Variants in ZNF337 observed in about 807,000 individuals in gnomAD.
The protein encoded by ZNF337 is zinc finger protein 337.
ZNF337 carries 8 observed loss-of-function variants against 12.1 expected under a neutral mutation model. The ratio of observed to expected loss-of-function variants is 0.66; its 90% CI spans 0.39 to 1.19. ZNF337 has a LOEUF of 1.19. Among genes scored for constraint, ZNF337 ranks in the 50% most tolerant of loss-of-function variants. The probability of loss-of-function intolerance (pLI) is 0.01; values close to 1 mark genes in which losing one functional copy is unlikely to be tolerated. For missense variants in ZNF337, 882 were observed against 896.6 expected (o/e 0.98, Z 0.21); for synonymous variants, 336 against 320.0 (o/e 1.05, Z -0.53).
At chr20:25,684,879 A>G (rs2065809416) in intron 4 of ZNF337, among the ~76,000 whole-genome samples, 1 of 152,110 alleles carries the variant, frequency 6.6e-6, no homozygotes, top group Non-Finnish European at 1.5e-5. Flanking sequence ...ACAAGAAGAG[A>G]AAAATCAAAC....
Position 25,675,200 on chromosome 20 carries a change from A to G in ZNF337, c.2088T>C (p.Ser696=). The change falls in exon 5 of 5, where the codon AGT becomes AGC. Residue 696 remains serine, a synonymous_variant. Coordinates refer to ENST00000252979, the MANE Select transcript of ZNF337 (RefSeq NM_015655.4). ...TTTCATGCACAGTGAGGTCTGACTT[A>G]CTGGTATAGCCTCGCTTACACTCCT... ...VCQECKRGYT[S]KSDLTVHERI... 1.9e-6 allele frequency: 3 copies of G among 1,614,242 alleles called. No homozygotes were observed. The highest frequency in any genetic ancestry group is 2.5e-6 in the Non-Finnish European group (3 of 1,180,040).
rs2065666722 is a variant in ZNF337, at chr20:25,675,332, C to T, written c.1956G>A (p.Gly652=). ...ACACATTACACACGAAGGGCTTCTC[C>T]CCTGAGTGTGTCCTCTGGTGTGTGA... is the stretch of plus-strand genomic sequence containing the variant. The part of the protein sequence containing the change: ...NLLTHQRTHS[G]EKPFVCNVCG... Residue 652 remains glycine (G), a synonymous_variant, in exon 5 of 5, where the codon GGG becomes GGA. Transcript: ENST00000252979. 13 of 1,613,050 alleles carry T rather than the reference C, an allele frequency of 8.1e-6. No homozygotes were observed. Among genetic ancestry groups the T allele is most frequent in the South Asian group, 1.1e-5 (1 of 91,010 alleles).
intron 1 of ZNF337, 73 bp from the exon 2 acceptor site, chr20:25,686,539 C>A: frequency 8.6e-7 from 1 of 1,164,168 alleles, no homozygotes; most frequent in Non-Finnish European, 1.2e-6. Flanking sequence ...GGTGTGATTC[C>A]AATACCAACT....
Position 25,675,468 on chromosome 20 carries a change from T to C in ZNF337, c.1820A>G (p.Gln607Arg), listed in dbSNP as rs962349330. ...AAGATTTGACTTCCAGATAAATCCT[T>C]GCCCACATTCACTACAGATGAAAGG... is the stretch of plus-strand genomic sequence containing the variant. ...EKPFICSECG[Q>R]GFIWKSNLVK... The change falls in exon 5 of 5, where the codon CAA becomes CGA. Residue 607 changes from glutamine to arginine, a missense_variant. Gln to Arg is a conservative substitution (Grantham distance 43, BLOSUM62 1). Coordinates refer to ENST00000252979, the MANE Select transcript of ZNF337 (RefSeq NM_015655.4). 1.2e-6 allele frequency: 2 copies of C among 1,614,110 alleles called. No individual in the cohort carries two copies. The highest frequency in any genetic ancestry group is 1.7e-6 in the Non-Finnish European group (2 of 1,180,022).
At position 25,674,755 on chromosome 20, in the gene ZNF337, C is replaced by T. The variant is rs887941066; in HGVS notation, c.*277G>A. The T allele has an allele frequency of 8.7e-6, 4 of 461,406 alleles. No individual in the cohort carries two copies. In the Admixed American group the frequency reaches 1.5e-4, roughly 17 times the overall value. 28.6% of individuals were successfully genotyped at this position (461,406 alleles called of 1,614,324 possible). A position where few individuals can be genotyped will look rare whatever the true frequency, so the allele number is the denominator to read the frequency against. ...TAGAAAGCACAGCCTGGCACAAATA[C>T]AACAAGAATATGTGCTCAGTAGGAA... On this transcript the variant is annotated 3_prime_UTR_variant, in exon 5 of 5. Transcript: ENST00000252979.
intron 1 of ZNF337, among the ~76,000 whole-genome samples, chr20:25,693,233 T>C (rs1237031119): frequency 6.6e-6 from 1 of 152,182 alleles, no homozygotes; most frequent in Non-Finnish European, 1.5e-5. Flanking sequence ...TGAGCCACCA[T>C]GCCTGGCTAA....
chr20:25,689,251 C>T (rs965545640), intron 1 of ZNF337, among the ~76,000 whole-genome samples: 4 of 151,882 alleles, frequency 2.6e-5, no homozygotes, highest in South Asian at 2.1e-4. Context: ...TTGCAGTGAG[C>T]GGAGACCGTG....
At position 25,686,181 on chromosome 20, in the gene ZNF337, G is replaced by A. The variant is rs921317889; in HGVS notation, c.28-59C>T. 4 of 1,608,158 alleles carry A rather than the reference G, an allele frequency of 2.5e-6. No individual in the cohort carries two copies. In the African/African-American group the frequency reaches 5.4e-5, roughly 22 times the overall value. On this transcript the variant is annotated intron_variant, in intron 2 of 4. Coordinates refer to ENST00000252979, the MANE Select transcript of ZNF337 (RefSeq NM_015655.4). ...ACAGTGTTGCACTCACGCAGTTGGAGGATTCCAGGTTCTGCCATCTGTACA... is the reference window on the plus strand; with the variant it reads ...ACAGTGTTGCACTCACGCAGTTGGAAGATTCCAGGTTCTGCCATCTGTACA...
At chr20:25,677,082 C>T in intron 4 of ZNF337, 45 bp from the exon 5 acceptor site, 1 of 1,464,468 alleles carries the variant, frequency 6.8e-7, no homozygotes, top group East Asian at 2.4e-5. Flanking sequence ...AACGAAAAGT[C>T]TTCTATGAAA....
intron 4 of ZNF337, among the ~76,000 whole-genome samples, chr20:25,680,605 A>C (rs952578951): frequency 2.0e-5 from 3 of 152,232 alleles, no homozygotes; most frequent in African/African-American, 7.2e-5. Flanking sequence ...TGTGCTTATT[A>C]TTCAGGAAAA....
At chr20:25,678,622 G>A (rs1320195952) in intron 4 of ZNF337, among the ~76,000 whole-genome samples, 1 of 152,108 alleles carries the variant, frequency 6.6e-6, no homozygotes, top group Admixed American at 6.6e-5. Context: ...TACAAAGCTA[G>A]TGTCATCAAA....
Position 25,675,063 on chromosome 20 carries a change from C to A in ZNF337, c.2225G>T (p.Cys742Phe). The change falls in exon 5 of 5, where the codon TGT becomes TTT. Residue 742 changes from cysteine (C) to phenylalanine (F), a missense_variant. Transcript: ENST00000252979. Reference protein sequence around the residue: ...LKRHLREKRFCTGSVGEASS With the variant: ...LKRHLREKRFFTGSVGEASS ...TGAAGCCTCACCCACACTCCCTGTA[C>A]AAAAACGCTTCTCACGTAAGTGTCT... The A allele has an allele frequency of 6.2e-7, 1 of 1,610,572 alleles. No individual in the cohort carries two copies. The highest frequency in any genetic ancestry group is 8.5e-7 in the Non-Finnish European group (1 of 1,178,742).
rs750291080 is a variant in ZNF337, at chr20:25,675,211, C to T, written c.2077G>A (p.Gly693Ser). The change falls in exon 5 of 5, where the codon GGC (glycine) becomes AGC (serine). Residue 693 changes from glycine to serine, a missense_variant. Coordinates refer to ENST00000252979, the MANE Select transcript of ZNF337 (RefSeq NM_015655.4). ...KPFVCQECKR[G>S]YTSKSDLTVH... is the part of the protein sequence containing the mutation. ...GTGAGGTCTGACTTACTGGTATAGC[C>T]TCGCTTACACTCCTGGCAAACAAAA... 2 of 1,614,242 alleles carry T rather than the reference C, an allele frequency of 1.2e-6. No homozygotes were observed. Among genetic ancestry groups the T allele is most frequent in the Non-Finnish European group, 1.7e-6 (2 of 1,180,046 alleles).
intron 1 of ZNF337, among the ~76,000 whole-genome samples, chr20:25,691,001 G>A (rs767725179): frequency 1.6e-4 from 25 of 152,084 alleles, no homozygotes; most frequent in Non-Finnish European, 3.1e-4. Flanking sequence ...AACCTTCCCC[G>A]GAGAAACATA....
chr20:25,694,997 G>C (rs2065908837), intron 1 of ZNF337, among the ~76,000 whole-genome samples: 1 of 152,138 alleles, frequency 6.6e-6, no homozygotes, highest in African/African-American at 2.4e-5. Context: ...AGCCTGACGC[G>C]CGGTGGCTCA....
chr20:25,675,324 G>A lies in ZNF337; in HGVS notation c.1964C>T (p.Pro655Leu). Residue 655 changes from proline to leucine, a missense_variant, in exon 5 of 5, where the codon CCC becomes CTC. By Grantham distance (98) the Pro-to-Leu change is moderately conservative (BLOSUM62 -3). Coordinates refer to ENST00000252979, the MANE Select transcript of ZNF337 (RefSeq NM_015655.4). ...TTGCCCACACACATTACACACGAAG[G>A]GCTTCTCCCCTGAGTGTGTCCTCTG... ...THQRTHSGEK[P>L]FVCNVCGQGF... 2 of 1,612,570 alleles carry A rather than the reference G, an allele frequency of 1.2e-6. No homozygotes were observed. Among genetic ancestry groups the A allele is most frequent in the South Asian group, 2.2e-5 (2 of 90,980 alleles).
chr20:25,676,434 G>T lies in ZNF337; in HGVS notation c.854C>A (p.Thr285Lys). The T allele has an allele frequency of 6.2e-7, 1 of 1,614,020 alleles. No homozygotes were observed. The highest frequency in any genetic ancestry group is 8.5e-7 in the Non-Finnish European group (1 of 1,180,012). Residue 285 changes from threonine (T) to lysine (K), a missense_variant, in exon 5 of 5, where the codon ACA becomes AAA. Thr to Lys is a moderately conservative substitution (Grantham distance 78). Coordinates refer to ENST00000252979, the MANE Select transcript of ZNF337 (RefSeq NM_015655.4). Reference sequence around the variant, plus strand: ...TTCATAAGGCTTCTCTCCTGTGTGTGTTCTCTCATGCACAGTGAGGTATGA... The same window carrying T: ...TTCATAAGGCTTCTCTCCTGTGTGTTTTCTCTCATGCACAGTGAGGTATGA... The part of the protein sequence containing the change: ...SKSYLTVHER[T>K]HTGEKPYECQ...
intron 1 of ZNF337, among the ~76,000 whole-genome samples, chr20:25,690,992 A>G (rs1425589579): frequency 6.6e-6 from 1 of 152,216 alleles, no homozygotes; most frequent in Non-Finnish European, 1.5e-5. Flanking sequence ...AGTGACGGAA[A>G]CCTTCCCCGG....
intron 1 of ZNF337, among the ~76,000 whole-genome samples, chr20:25,690,857 A>C (rs2065877191): frequency 6.6e-6 from 1 of 152,184 alleles, no homozygotes; most frequent in South Asian, 2.1e-4. Flanking sequence ...AATAGCAAAA[A>C]TCCTCCCTGG....
Sources: gnomAD v4.1 joint callset for allele counts (sites outside exome capture counted in the v4.1 genomes callset) on GRCh38, gnomAD v4.1.1 for gene constraint, MANE v1.5 for transcripts, NCBI Gene and HGNC (gene_info 2026-07-23, HGNC 2026-07-21) for gene names.